The following UBAC2 variants were observed in gnomAD, a reference collection of about 807,000 sequenced individuals.
UBAC2 encodes ubiquitin-associated domain-containing protein 2.
Under a neutral mutation model 44.0 loss-of-function variants are expected in UBAC2, and 26 were observed. The ratio of observed to expected loss-of-function variants is 0.59; its 90% CI spans 0.43 to 0.82. UBAC2 has a LOEUF of 0.82. UBAC2 is among the 40% of genes least tolerant of loss of function. UBAC2 has a pLI of 0.00. For synonymous variants in UBAC2, 155 were observed against 154.3 expected (o/e 1.00, Z -0.04); for missense variants, 329 against 419.4 (o/e 0.78, Z 1.88).
chr13:99,297,823 T>C (rs1259551199), intron 4 of UBAC2, among the ~76,000 whole-genome samples: 3 of 151,390 alleles, frequency 2.0e-5, no homozygotes, highest in Non-Finnish European at 2.9e-5. Flanking sequence ...AAAAAAAAAT[T>C]CCAGCTGTTT....
chr13:99,240,885 C>G (rs929503536), intron 2 of UBAC2, among the ~76,000 whole-genome samples: 18 of 152,158 alleles, frequency 1.2e-4, no homozygotes, highest in African/African-American at 4.3e-4. Flanking sequence ...GCTCAGACTT[C>G]TCATTTGTAT....
chr13:99,281,573 C>G (rs2043954760), intron 4 of UBAC2, among the ~76,000 whole-genome samples: 1 of 152,196 alleles, frequency 6.6e-6, no homozygotes, highest in African/African-American at 2.4e-5. Context: ...GAACTCGCAT[C>G]TACTTTGAGG....
At position 99,214,354 on chromosome 13, in the gene UBAC2, A is replaced by G. The variant is rs115584582; in HGVS notation, c.31+13415A>G. On this transcript the variant is annotated intron_variant, in intron 1 of 8. Transcript: ENST00000403766. Reference sequence around the variant, plus strand: ...TGAATGACTGGATTCCTAAGTACCTAGTGTGGGTTTCCTCTTTGTTTGTGG... The same window carrying G: ...TGAATGACTGGATTCCTAAGTACCTGGTGTGGGTTTCCTCTTTGTTTGTGG... Among the ~76,000 whole-genome samples the G allele has an allele frequency of 1.7e-3, 261 of 150,890 alleles. 2 individuals carry two copies. Among genetic ancestry groups the G allele is most frequent in the African/African-American group, 5.7e-3 (232 of 41,052 alleles).
intron 8 of UBAC2, among the ~76,000 whole-genome samples, chr13:99,373,195 G>C (rs1437460142): frequency 6.9e-6 from 1 of 145,410 alleles, no homozygotes; most frequent in Non-Finnish European, 1.5e-5. Context: ...TTTTAAACAG[G>C]TATCTTTATA....
chr13:99,381,609 A>G (rs2045553141), intron 8 of UBAC2, among the ~76,000 whole-genome samples: 1 of 152,174 alleles, frequency 6.6e-6, no homozygotes, highest in Non-Finnish European at 1.5e-5. Flanking sequence ...AGTTATCTCC[A>G]CCAATGACAA....
At chr13:99,234,787 G>A (rs1161516817) in intron 1 of UBAC2, among the ~76,000 whole-genome samples, 1 of 152,106 alleles carries the variant, frequency 6.6e-6, no homozygotes, top group Non-Finnish European at 1.5e-5. Context: ...AAGACCAGAG[G>A]GAGAGAAGAG....
intron 1 of UBAC2, among the ~76,000 whole-genome samples, chr13:99,230,262 G>A (rs1427332584): frequency 6.6e-6 from 1 of 152,022 alleles, no homozygotes; most frequent in South Asian, 2.1e-4. Context: ...TCAGGAGTTC[G>A]AGACCAGCCT....
chr13:99,318,129 A>G, intron 6 of UBAC2, 60 bp downstream of exon 6: 1 of 1,459,750 alleles, frequency 6.9e-7, no homozygotes, highest in Non-Finnish European at 9.6e-7. Flanking sequence ...ACATTAGGAA[A>G]ATTGTCCTAT....
chr13:99,261,446 T>C (rs568238127), intron 4 of UBAC2, among the ~76,000 whole-genome samples: 1 of 152,314 alleles, frequency 6.6e-6, no homozygotes, highest in East Asian at 1.9e-4. Flanking sequence ...AAATGTGTGG[T>C]TTTTCTTAAG....
intron 4 of UBAC2, among the ~76,000 whole-genome samples, chr13:99,267,952 C>T (rs2043764814): frequency 6.6e-6 from 1 of 152,142 alleles, no homozygotes; most frequent in African/African-American, 2.4e-5. Flanking sequence ...TCGTCAAGGG[C>T]CTGGTCTGGT....
At chr13:99,224,354 T>C (rs2142694289) in intron 1 of UBAC2, among the ~76,000 whole-genome samples, 1 of 152,308 alleles carries the variant, frequency 6.6e-6, no homozygotes, top group Middle Eastern at 3.4e-3. Context: ...TCTCCAAACT[T>C]AGTCAGCATA....
chr13:99,235,482 G>A (rs990050409), intron 1 of UBAC2, among the ~76,000 whole-genome samples: 8 of 152,122 alleles, frequency 5.3e-5, no homozygotes, highest in African/African-American at 1.9e-4. Flanking sequence ...AAATAATCCT[G>A]AGCAAAAAGA....
intron 6 of UBAC2, among the ~76,000 whole-genome samples, chr13:99,333,835 G>A (rs1215680694): frequency 6.6e-6 from 1 of 152,086 alleles, no homozygotes; most frequent in Non-Finnish European, 1.5e-5. Flanking sequence ...AGTTTCTTAA[G>A]GGAGTCTGTG....
chr13:99,236,580 G>A (rs1003418402), intron 1 of UBAC2, among the ~76,000 whole-genome samples: 13 of 152,008 alleles, frequency 8.6e-5, no homozygotes, highest in African/African-American at 2.9e-4. Flanking sequence ...TGCTGGGCAC[G>A]GTGGCTCATG....
At chr13:99,310,601 G>C (rs1472855681) in intron 4 of UBAC2, among the ~76,000 whole-genome samples, 1 of 152,236 alleles carries the variant, frequency 6.6e-6, no homozygotes, top group Non-Finnish European at 1.5e-5. Flanking sequence ...CTGCAGAACA[G>C]CCCATATAAT....
At chr13:99,217,399 G>C (rs1304300153) in intron 1 of UBAC2, among the ~76,000 whole-genome samples, 1 of 152,226 alleles carries the variant, frequency 6.6e-6, no homozygotes, top group Non-Finnish European at 1.5e-5. Context: ...GCAGGCGTGT[G>C]TTCTGCCTGC....
At chr13:99,290,053 G>A (rs1012485799) in intron 4 of UBAC2, among the ~76,000 whole-genome samples, 6 of 152,142 alleles carry the variant, frequency 3.9e-5, no homozygotes, top group African/African-American at 1.2e-4. Context: ...GAGAAAATAC[G>A]ATGATGAAGA....
chr13:99,360,505 A>C (rs1399900757), intron 7 of UBAC2, among the ~76,000 whole-genome samples: 1 of 152,208 alleles, frequency 6.6e-6, no homozygotes, highest in East Asian at 1.9e-4. Flanking sequence ...ATTTGAGCCC[A>C]GTTATTCTGG....
intron 1 of UBAC2, among the ~76,000 whole-genome samples, chr13:99,214,814 A>G (rs7983491): frequency 0.57 from 86,973 of 151,674 alleles, 26,763 homozygotes; most frequent in Non-Finnish European, 0.71. Context: ...GATGGTGGTG[A>G]AAAGGCTGTT....
Sources: allele counts gnomAD v4.1 joint callset (sites outside exome capture counted in the v4.1 genomes callset), GRCh38; gene constraint gnomAD v4.1.1; transcripts MANE v1.5; gene names NCBI Gene and HGNC (gene_info 2026-07-23, HGNC 2026-07-21).